PAPPA2: variants seen among roughly 807,000 people sequenced by gnomAD.
The protein encoded by PAPPA2 is pappalysin-2.
PAPPA2 carries 86 observed loss-of-function variants against 176.4 expected under a neutral mutation model. That is an observed-to-expected ratio of 0.49 (90% confidence interval 0.41 to 0.58). The LOEUF is 0.58. Ranked by LOEUF, PAPPA2 falls within the 20% of genes least tolerant of loss-of-function variation. The probability of loss-of-function intolerance (pLI) is 0.00; values close to 1 mark genes in which losing one functional copy is unlikely to be tolerated. For missense variants in PAPPA2, 2,073 were observed against 2,256.9 expected (o/e 0.92, Z 1.65); for synonymous variants, 809 against 852.2 (o/e 0.95, Z 0.88).
intron 1 of PAPPA2, among the ~76,000 whole-genome samples, chr1:176,474,080 G>A (rs1199836753): frequency 2.6e-5 from 4 of 152,142 alleles, no homozygotes; most frequent in African/African-American, 9.7e-5. Context: ...AGAGGGCATT[G>A]GCTATAGATA....
chr1:176,785,070 C>T (rs938026274), intron 17 of PAPPA2, among the ~76,000 whole-genome samples: 1 of 152,112 alleles, frequency 6.6e-6, no homozygotes, highest in African/African-American at 2.4e-5. Flanking sequence ...TTGCGAGGGC[C>T]ACAAACAGCG....
rs77519071 is a variant in PAPPA2, at chr1:176,597,602, G to A, written c.1991+2007G>A. 6.2e-3 allele frequency among the ~76,000 whole-genome samples: 937 copies of A among 152,116 alleles called. 16 individuals are homozygous for A. The highest frequency in any genetic ancestry group is 0.021 in the African/African-American group (851 of 41,470). ...TAATGTAGATGATGGGTCGATGGGC[G>A]CAGCAAACCACCATGGCACGTGTGT... is the stretch of plus-strand genomic sequence containing the variant. On this transcript the variant is annotated intron_variant, in intron 3 of 22. Coordinates refer to ENST00000367662, the MANE Select transcript of PAPPA2 (RefSeq NM_020318.3).
At chr1:176,525,846 T>C (rs1157198062) in intron 1 of PAPPA2, among the ~76,000 whole-genome samples, 1 of 152,200 alleles carries the variant, frequency 6.6e-6, no homozygotes, top group African/African-American at 2.4e-5. Flanking sequence ...ATTTCTTGCG[T>C]GTTCAATCTC....
intron 21 of PAPPA2, among the ~76,000 whole-genome samples, chr1:176,834,840 T>A (rs1271994916): frequency 6.6e-6 from 1 of 152,116 alleles, no homozygotes; most frequent in African/African-American, 2.4e-5. Context: ...TTGTGGTGGC[T>A]CAATGTTGTA....
rs563188042 is a variant in PAPPA2 at position 176,702,366 on chromosome 1, C to T, written c.3237-241C>T. Among the ~76,000 whole-genome samples, 6 of 152,372 alleles carry T rather than the reference C, an allele frequency of 3.9e-5. No homozygotes were observed. In the East Asian group the frequency reaches 1.2e-3, roughly 29 times the overall value. On this transcript the variant is annotated intron_variant, in intron 8 of 22. Coordinates refer to ENST00000367662, the MANE Select transcript of PAPPA2 (RefSeq NM_020318.3). ...ACTGTTAGGTTCAGTGTTAACGCAGCAAGCATTTACTGCGCATTTACTCTG... is the reference window on the plus strand; with the variant it reads ...ACTGTTAGGTTCAGTGTTAACGCAGTAAGCATTTACTGCGCATTTACTCTG...
chr1:176,539,330 A>T (rs1650245318), intron 1 of PAPPA2, among the ~76,000 whole-genome samples: 1 of 152,184 alleles, frequency 6.6e-6, no homozygotes, highest in Non-Finnish European at 1.5e-5. Context: ...AAGGCACATG[A>T]AGTGAAGCAC....
chr1:176,746,413 T>C (rs1662907020), intron 14 of PAPPA2, among the ~76,000 whole-genome samples: 1 of 152,152 alleles, frequency 6.6e-6, no homozygotes, highest in Admixed American at 6.5e-5. Flanking sequence ...TTTCTTTTTT[T>C]CTTTTTTTTA....
intron 3 of PAPPA2, among the ~76,000 whole-genome samples, chr1:176,633,548 G>A (rs1356311208): frequency 6.6e-6 from 1 of 152,156 alleles, no homozygotes; most frequent in Non-Finnish European, 1.5e-5. Context: ...AGACATCATT[G>A]TATTTAATAT....
chr1:176,676,062 A>T (rs1160978434), intron 4 of PAPPA2, among the ~76,000 whole-genome samples: 1 of 152,078 alleles, frequency 6.6e-6, no homozygotes, highest in Non-Finnish European at 1.5e-5. Context: ...GAGCTAAAAT[A>T]AAAAATAATG....
At chr1:176,473,561 C>T (rs1159310748) in intron 1 of PAPPA2, among the ~76,000 whole-genome samples, 2 of 152,098 alleles carry the variant, frequency 1.3e-5, no homozygotes, top group African/African-American at 4.8e-5. Flanking sequence ...AATGTAATTG[C>T]TGGATTGTAT....
At chr1:176,565,199 C>T (rs964176770) in intron 2 of PAPPA2, among the ~76,000 whole-genome samples, 1 of 152,010 alleles carries the variant, frequency 6.6e-6, no homozygotes, top group Non-Finnish European at 1.5e-5. Context: ...TGGTTGTTTC[C>T]ACTTTTTGGC....
intron 3 of PAPPA2, among the ~76,000 whole-genome samples, chr1:176,620,508 A>T (rs935698929): frequency 2.6e-5 from 4 of 152,226 alleles, no homozygotes; most frequent in African/African-American, 9.6e-5. Context: ...TTTCTTAATC[A>T]AGAACTAATA....
chr1:176,523,993 C>T (rs1446879663), intron 1 of PAPPA2, among the ~76,000 whole-genome samples: 1 of 152,180 alleles, frequency 6.6e-6, no homozygotes, highest in Non-Finnish European at 1.5e-5. Context: ...ATGTTTTAGA[C>T]CCTGTAATAT....
chr1:176,560,465 T>A (rs1168448507), intron 2 of PAPPA2, among the ~76,000 whole-genome samples: 1 of 152,204 alleles, frequency 6.6e-6, no homozygotes, highest in Non-Finnish European at 1.5e-5. Flanking sequence ...TCTTCTGAAG[T>A]GGCCTATTTC....
chr1:176,644,235 A>G (rs1471248325), intron 3 of PAPPA2, among the ~76,000 whole-genome samples: 2 of 151,790 alleles, frequency 1.3e-5, no homozygotes, highest in East Asian at 2.0e-4. Context: ...CTCTGTTCTT[A>G]GAGATATGAT....
intron 2 of PAPPA2, among the ~76,000 whole-genome samples, chr1:176,572,534 T>C (rs1652413317): frequency 6.6e-6 from 1 of 152,206 alleles, no homozygotes; most frequent in Non-Finnish European, 1.5e-5. Context: ...TGGTTTTGTG[T>C]GGTCCCTGGG....
chr1:176,531,188 G>T (rs1649786512), intron 1 of PAPPA2, among the ~76,000 whole-genome samples: 1 of 152,206 alleles, frequency 6.6e-6, no homozygotes, highest in Non-Finnish European at 1.5e-5. Context: ...AGGCAGGCAA[G>T]CCAGATCCAA....
At chr1:176,789,316 A>G (rs1303177676) in intron 17 of PAPPA2, among the ~76,000 whole-genome samples, 1 of 151,646 alleles carries the variant, frequency 6.6e-6, no homozygotes, top group African/African-American at 2.4e-5. Flanking sequence ...AAAACCAAAC[A>G]CTGCATGTTC....
chr1:176,581,854 A>T (rs12144605), intron 2 of PAPPA2, among the ~76,000 whole-genome samples: 52,221 of 146,876 alleles, frequency 0.36, 9,674 homozygotes, highest in South Asian at 0.59. Context: ...GTTTTTTTTT[A>T]AATTTTTGTT....
Sources: allele counts gnomAD v4.1 joint callset (sites outside exome capture counted in the v4.1 genomes callset), GRCh38; gene constraint gnomAD v4.1.1; transcripts MANE v1.5; gene names NCBI Gene and HGNC (gene_info 2026-07-23, HGNC 2026-07-21).